Variants in KIF1C observed in about 807,000 individuals in gnomAD.
KIF1C encodes the protein kinesin family member 1C, also known as kinesin-like protein KIF1C.
In KIF1C, 61 loss-of-function variants were observed where a neutral mutation model predicts 126.5. The ratio of observed to expected loss-of-function variants is 0.48; its 90% CI spans 0.39 to 0.60. The LOEUF (loss-of-function observed/expected upper bound fraction) is 0.60. Among genes scored for constraint, KIF1C ranks in the 20% least tolerant of loss-of-function variants. The probability of loss-of-function intolerance (pLI) is 0.00; values close to 1 mark genes in which losing one functional copy is unlikely to be tolerated. For synonymous variants in KIF1C, 640 were observed against 580.6 expected (o/e 1.10, Z -1.47); for missense variants, 1,315 against 1,489.2 (o/e 0.88, Z 1.93).
intron 16 of KIF1C, 78 bp from the exon 17 acceptor site, chr17:5,013,575 T>G (rs1974910983): frequency 1.9e-6 from 2 of 1,027,668 alleles, no homozygotes; most frequent in Admixed American, 3.6e-5. Flanking sequence ...GAGGGGTGTC[T>G]CCTCCCACCG....
rs1195837794 is a variant in KIF1C, at chr17:5,020,584, C to A, written c.1843C>A (p.Pro615Thr). 4.3e-6 allele frequency: 7 copies of A among 1,614,144 alleles called. No homozygotes were observed. The highest frequency in any genetic ancestry group is 5.9e-6 in the Non-Finnish European group (7 of 1,180,050). Reference sequence around the variant, plus strand: ...ACGGGAACGAGGGGTCCCCCCACCCCCAGGACCGCCCTCTGAGCCAGTCGA... The same window carrying A: ...ACGGGAACGAGGGGTCCCCCCACCCACAGGACCGCCCTCTGAGCCAGTCGA... Reference protein sequence around the residue: ...LERERGVPPPPGPPSEPVDWN... With the variant: ...LERERGVPPPTGPPSEPVDWN... Residue 615 changes from proline to threonine, a missense_variant, in exon 20 of 23, where the codon CCA (proline) becomes ACA (threonine). Coordinates refer to ENST00000320785, the MANE Select transcript of KIF1C (RefSeq NM_006612.6). The surrounding 1 kb of genome is among the most constrained non-coding windows in gnomAD (Gnocchi z 5.8).
chr17:5,002,403 T>G, intron 6 of KIF1C, 61 bp from the exon 7 acceptor site: 1 of 1,461,572 alleles, frequency 6.8e-7, no homozygotes, highest in Non-Finnish European at 9.4e-7. Context: ...GGAGTCAGAT[T>G]AAGTTGCGTT....
rs773779354 is a variant in KIF1C, at chr17:5,023,820, T to C, written c.2981T>C (p.Met994Thr). The C allele has an allele frequency of 1.8e-5, 28 of 1,518,064 alleles. No homozygotes were observed. The Admixed American group carries it at 2.5e-4, about 13-fold the overall frequency. 94.0% of individuals were successfully genotyped at this position (1,518,064 alleles called of 1,614,324 possible). The change falls in exon 23 of 23, where the codon ATG becomes ACG. Residue 994 changes from methionine to threonine, a missense_variant. Physicochemically the swap from Met to Thr is moderately conservative, Grantham distance 81 (BLOSUM62 -1). Transcript: ENST00000320785. This position sits in a 1 kb window ranked among gnomAD's most constrained non-coding sequence, Gnocchi z 4.2. ...CAGCACCGGGAGTCTTGGCCAGGGA[T>C]GGGGAGCGGGGAGGCTCCAACTCCG... ...NPQHRESWPGMGSGEAPTPLQ... is the reference protein window; with the variant it reads ...NPQHRESWPGTGSGEAPTPLQ...
chr17:5,013,293 G>A (rs909598620), intron 16 of KIF1C, among the ~76,000 whole-genome samples: 2 of 152,078 alleles, frequency 1.3e-5, no homozygotes, highest in Non-Finnish European at 2.9e-5. Context: ...CAGGGGGTCC[G>A]GGGCTTCTGG....
intron 6 of KIF1C, 127 bp downstream of exon 6, chr17:5,002,251 T>C (rs1344649910): frequency 9.8e-7 from 1 of 1,024,262 alleles, no homozygotes; most frequent in East Asian, 2.4e-5. Flanking sequence ...GGGCAGTGAT[T>C]CTGTCCTTCA....
chr17:5,007,178 G>A, intron 14 of KIF1C, 85 bp from the exon 15 acceptor site: 12 of 1,566,086 alleles, frequency 7.7e-6, no homozygotes, highest in Non-Finnish European at 1.0e-5. Context: ...AATTCTAGGA[G>A]TAGCATGGCC....
rs760667669 is a variant in KIF1C at position 5,023,894 on chromosome 17, C to T, written c.3055C>T (p.Arg1019Trp). ...TCCCCATCCAGCCACCCCTGCCCGC[C>T]GGCCTCCGAGTCCCCGAAGGTCCCA... is the stretch of plus-strand genomic sequence containing the variant. ...VTPHPATPARRPPSPRRSHHP... is the reference protein window; with the variant it reads ...VTPHPATPARWPPSPRRSHHP... The change falls in exon 23 of 23, where the codon CGG becomes TGG. Residue 1019 changes from arginine (R) to tryptophan (W), a missense_variant. This residue lies in a region of KIF1C where 441 missense variants were observed against 436.1 expected (regional missense o/e 1.01). Transcript: ENST00000320785. This position sits in a 1 kb window ranked among gnomAD's most constrained non-coding sequence, Gnocchi z 4.2. The T allele has an allele frequency of 9.0e-5, 140 of 1,547,584 alleles. No homozygotes were observed. Among genetic ancestry groups the T allele is most frequent in the South Asian group, 7.3e-4 (59 of 81,128 alleles).
At position 5,002,858 on chromosome 17, in the gene KIF1C, C is replaced by A. The variant is rs200057711; in HGVS notation, c.720+16C>A. 5.6e-5 allele frequency: 88 copies of A among 1,578,444 alleles called. No individual in the cohort carries two copies. The highest frequency in any genetic ancestry group is 2.0e-4 in the African/African-American group (15 of 73,934). On this transcript the variant is annotated intron_variant, in intron 8 of 22. Coordinates refer to ENST00000320785, the MANE Select transcript of KIF1C (RefSeq NM_006612.6). ...CTCGGAGAAGGTGGGATCGCCCCCC[C>A]CCCCACTCCCCCACCGGATGCAACC...
Position 5,028,079 on chromosome 17 carries a change from C to G in KIF1C, c.*3928C>G, listed in dbSNP as rs1357714633. Reference sequence around the variant, plus strand: ...AACTTGCGTCTAGTTTCTGTTCCCTCTCAAATTGCCCAGGCTGTCCTGTGA... The same window carrying G: ...AACTTGCGTCTAGTTTCTGTTCCCTGTCAAATTGCCCAGGCTGTCCTGTGA... On this transcript the variant is annotated 3_prime_UTR_variant, in exon 23 of 23. Transcript: ENST00000320785. 1 of 152,166 alleles carries G rather than the reference C, an allele frequency of 6.6e-6. No individual in the cohort carries two copies. The highest frequency in any genetic ancestry group is 1.9e-4 in the East Asian group (1 of 5,198). The allele number at this position is 152,166 out of a possible 1,614,324, so 9.4% of individuals were successfully genotyped here. A position where few individuals can be genotyped will look rare whatever the true frequency, so the allele number is the denominator to read the frequency against.
chr17:5,006,847 C>T lies in KIF1C; in HGVS notation c.1166-68C>T, dbSNP rs193295053. ...ACTGGTCCTCTGTGAAGCTCTTGGTCTCCTGGATGTCTCTCATCAGCTCCT... is the reference window on the plus strand; with the variant it reads ...ACTGGTCCTCTGTGAAGCTCTTGGTTTCCTGGATGTCTCTCATCAGCTCCT... On this transcript the variant is annotated intron_variant, in intron 13 of 22. Transcript: ENST00000320785. 7.9e-6 allele frequency: 12 copies of T among 1,523,352 alleles called. No homozygotes were observed. The East Asian group carries it at 2.7e-4, about 34-fold the overall frequency. The allele number at this position is 1,523,352 out of a possible 1,614,324, so 94.4% of individuals were successfully genotyped here.
Position 5,025,090 on chromosome 17 carries a change from C to T in KIF1C, c.*939C>T, listed in dbSNP as rs1163293454. 1.3e-5 allele frequency: 2 copies of T among 152,116 alleles called. No homozygotes were observed. The highest frequency in any genetic ancestry group is 2.9e-5 in the Non-Finnish European group (2 of 68,044). The allele number at this position is 152,116 out of a possible 1,614,324, so 9.4% of individuals were successfully genotyped here. Reference sequence around the variant, plus strand: ...TTCACCATATTGGCCAGGCTGGTCTCGAACTCCTGATGACCTCAAGTGATC... The same window carrying T: ...TTCACCATATTGGCCAGGCTGGTCTTGAACTCCTGATGACCTCAAGTGATC... On this transcript the variant is annotated 3_prime_UTR_variant, in exon 23 of 23. Transcript: ENST00000320785.
intron 15 of KIF1C, 27 bp downstream of exon 15, chr17:5,007,369 G>A (rs1209532738): frequency 6.2e-7 from 1 of 1,612,634 alleles, no homozygotes; most frequent in East Asian, 2.2e-5. Context: ...TTGGGGTCCT[G>A]GGTGGAGTTG....
chr17:5,014,867 A>G, intron 18 of KIF1C, 30 bp downstream of exon 18: 1 of 1,527,088 alleles, frequency 6.5e-7, no homozygotes, highest in Non-Finnish European at 8.9e-7. Context: ...GAGAGGCCAG[A>G]CAGGGAGAGA....
chr17:5,002,446 T>C lies in KIF1C; in HGVS notation c.430-18T>C. 1 of 1,566,224 alleles carries C rather than the reference T, an allele frequency of 6.4e-7. No individual in the cohort carries two copies. Among genetic ancestry groups the C allele is most frequent in the Non-Finnish European group, 8.7e-7 (1 of 1,152,678 alleles). On this transcript the variant is annotated intron_variant, in intron 6 of 22. Coordinates refer to ENST00000320785, the MANE Select transcript of KIF1C (RefSeq NM_006612.6). ...TTTTTGCTAGTTTTGTTACTTCTCATTTGCTTCTCCCACTCAGGTGAGCTA... is the reference window on the plus strand; with the variant it reads ...TTTTTGCTAGTTTTGTTACTTCTCACTTGCTTCTCCCACTCAGGTGAGCTA...
chr17:5,002,891 G>T, intron 8 of KIF1C, 49 bp downstream of exon 8: 1 of 1,429,204 alleles, frequency 7.0e-7, no homozygotes. Flanking sequence ...ACCTCCCCTG[G>T]CAACAGGGAC....
Position 5,007,726 on chromosome 17 carries a change from C to G in KIF1C, c.1491+184C>G, listed in dbSNP as rs578074701. 2.0e-5 allele frequency among the ~76,000 whole-genome samples: 3 copies of G among 152,312 alleles called. No homozygotes were observed. In the East Asian group the frequency reaches 5.8e-4, roughly 29 times the overall value. Reference sequence around the variant, plus strand: ...CGTCTTGTTTAGTCATCCCTGCCTTCTCCCTTCAGCCATTCAACAGTCAGC... The same window carrying G: ...CGTCTTGTTTAGTCATCCCTGCCTTGTCCCTTCAGCCATTCAACAGTCAGC... On this transcript the variant is annotated intron_variant, in intron 16 of 22. Coordinates refer to ENST00000320785, the MANE Select transcript of KIF1C (RefSeq NM_006612.6).
chr17:5,012,986 TGCTGCA>T (rs1194957963), intron 16 of KIF1C, among the ~76,000 whole-genome samples: 1 of 152,030 alleles, frequency 6.6e-6, no homozygotes, highest in East Asian at 1.9e-4. Flanking sequence ...CCCAGGCGGG[TGCTGCA>T]GGGACCCAGG....
intron 3 of KIF1C, 38 bp from the exon 4 acceptor site, chr17:5,000,734 C>T (rs373596463): frequency 3.8e-6 from 6 of 1,595,870 alleles, no homozygotes; most frequent in African/African-American, 2.7e-5. Context: ...GAATACCTGA[C>T]CTTGACTTTC....
At position 5,020,772 on chromosome 17, in the gene KIF1C, G is replaced by A. The variant is rs374101010; in HGVS notation, c.1938-34G>A. Reference sequence around the variant, plus strand: ...CCTCCTCTTGTCAGATACTCACCAAGGTTGCTCTTCCTTCCCTCCCTGTCC... The same window carrying A: ...CCTCCTCTTGTCAGATACTCACCAAAGTTGCTCTTCCTTCCCTCCCTGTCC... On this transcript the variant is annotated intron_variant, in intron 20 of 22. Transcript: ENST00000320785. The surrounding 1 kb of genome is among the most constrained non-coding windows in gnomAD (Gnocchi z 5.8). 27 of 1,598,636 alleles carry A rather than the reference G, an allele frequency of 1.7e-5. No homozygotes were observed. The highest frequency in any genetic ancestry group is 4.0e-5 in the African/African-American group (3 of 74,728).
Sources: gnomAD v4.1 joint callset for allele counts (sites outside exome capture counted in the v4.1 genomes callset) on GRCh38, gnomAD v4.1.1 for gene constraint, gnomAD v4.1.1 regional missense constraint, Gnocchi (gnomAD v3.1) non-coding constraint, MANE v1.5 for transcripts, NCBI Gene and HGNC (gene_info 2026-07-23, HGNC 2026-07-21) for gene names.